Variants in SLC25A12 observed in about 807,000 individuals in gnomAD.
SLC25A12 encodes solute carrier family 25 member 12.
Under a neutral mutation model 83.3 loss-of-function variants are expected in SLC25A12, and 32 were observed. The observed-to-expected ratio is 0.38, with a 90% confidence interval of 0.29 to 0.52. The LOEUF (loss-of-function observed/expected upper bound fraction) is 0.52, where lower values mean the gene tolerates loss of function less well. Ranked by LOEUF, SLC25A12 falls within the 20% of genes least tolerant of loss-of-function variation. SLC25A12 has a pLI of 0.84. For synonymous variants in SLC25A12, 267 were observed against 291.1 expected, an observed-to-expected ratio of 0.92 and a Z score of 0.84; for missense variants, 611 against 835.6, an observed-to-expected ratio of 0.73 and a Z score of 3.31.
At chr2:171,800,309 CTT>C (rs1333841568) in intron 13 of SLC25A12, among the ~76,000 whole-genome samples, 1 of 135,530 alleles carries the variant, frequency 7.4e-6, no homozygotes, top group Non-Finnish European at 1.6e-5. Flanking sequence ...ACGCAAAAGA[CTT>C]GAACAGATAC....
At chr2:171,839,307 T>C (rs567090209) in intron 5 of SLC25A12, among the ~76,000 whole-genome samples, 12 of 152,162 alleles carry the variant, frequency 7.9e-5, no homozygotes, top group Admixed American at 2.6e-4. Flanking sequence ...CTAAAGCCCA[T>C]AGTTTCAAAT....
intron 6 of SLC25A12, among the ~76,000 whole-genome samples, 176 bp downstream of exon 6, chr2:171,836,945 T>TAC (rs751335257): frequency 1.4e-5 from 2 of 146,554 alleles, no homozygotes; most frequent in East Asian, 2.2e-4. Context: ...TACATTCACG[T>TAC]ACACACACAC....
intron 2 of SLC25A12, among the ~76,000 whole-genome samples, chr2:171,869,742 C>T (rs1001639912): frequency 6.6e-6 from 1 of 152,208 alleles, no homozygotes; most frequent in African/African-American, 2.4e-5. Flanking sequence ...TTGATTGTTA[C>T]TTCAGTCAAC....
chr2:171,843,068 A>C (rs1313771033), intron 5 of SLC25A12, among the ~76,000 whole-genome samples: 2 of 152,060 alleles, frequency 1.3e-5, no homozygotes, highest in Non-Finnish European at 2.9e-5. Flanking sequence ...TGATCTGCCC[A>C]CCTCAGCCTC....
chr2:171,826,719 T>C (rs758977021), intron 9 of SLC25A12, 79 bp downstream of exon 9: 22 of 837,696 alleles, frequency 2.6e-5, no homozygotes, highest in Non-Finnish European at 4.4e-5. Context: ...TTTTACAGCA[T>C]TCAGAAGCTG....
intron 9 of SLC25A12, among the ~76,000 whole-genome samples, chr2:171,822,241 G>C (rs1684207955): frequency 6.6e-6 from 1 of 152,052 alleles, no homozygotes; most frequent in Non-Finnish European, 1.5e-5. Flanking sequence ...GCTTATATGG[G>C]CTTCTCATAT....
chr2:171,851,060 T>C (rs936913312), intron 4 of SLC25A12, among the ~76,000 whole-genome samples: 5 of 152,248 alleles, frequency 3.3e-5, no homozygotes, highest in Admixed American at 1.3e-4. Context: ...AAAGTTTACT[T>C]TGAAGAGTGT....
intron 2 of SLC25A12, among the ~76,000 whole-genome samples, chr2:171,872,303 A>C (rs1382699561): frequency 1.3e-5 from 2 of 152,252 alleles, no homozygotes; most frequent in Admixed American, 6.5e-5. Flanking sequence ...GTATATAAAC[A>C]TAGGATAAAG....
In SLC25A12 at chr2:171,890,874, A is replaced by G. The variant is rs552624282; in HGVS notation, c.66+2331T>C. Among the ~76,000 whole-genome samples the G allele has an allele frequency of 2.7e-3, 411 of 152,330 alleles. 2 individuals carry two copies. The highest frequency in any genetic ancestry group is 6.8e-3 in the Middle Eastern group (2 of 294). ...TTATCTATCAATAATGCTTGTGTCA[A>G]TGTTTCATACTTAGTGCTAAATAAG... On this transcript the variant is annotated intron_variant, in intron 2 of 17. Transcript: ENST00000422440.
At chr2:171,803,175 G>A (rs1245135031) in intron 13 of SLC25A12, among the ~76,000 whole-genome samples, 1 of 149,712 alleles carries the variant, frequency 6.7e-6, no homozygotes, top group Non-Finnish European at 1.5e-5. Context: ...AGACCTAGAT[G>A]TAAAAGCTAA....
intron 11 of SLC25A12, among the ~76,000 whole-genome samples, chr2:171,812,169 C>T (rs527618386): frequency 2.0e-5 from 3 of 152,266 alleles, no homozygotes; most frequent in African/African-American, 4.8e-5. Context: ...AGTTTGATTT[C>T]GGAATAACTC....
intron 4 of SLC25A12, among the ~76,000 whole-genome samples, chr2:171,847,453 A>G (rs2105898008): frequency 6.6e-6 from 1 of 152,338 alleles, no homozygotes; most frequent in East Asian, 1.9e-4. Context: ...ACCCAGCTTT[A>G]TCAGGTCCTG....
rs1683884219 is a variant in SLC25A12, at chr2:171,808,626, T to C, written c.1305+980A>G. Among the ~76,000 whole-genome samples, 10 of 152,234 alleles carry C rather than the reference T, an allele frequency of 6.6e-5. 1 individual carries two copies. In the South Asian group the frequency reaches 2.1e-3, roughly 32 times the overall value. On this transcript the variant is annotated intron_variant, in intron 13 of 17. Transcript: ENST00000422440. ...TCTATTTCTTAAAAGGCATAGGAAT[T>C]AGAACTTTTAAAAAAGTCTGGAAGG...
chr2:171,854,940 G>C (rs949836139), intron 4 of SLC25A12, among the ~76,000 whole-genome samples: 2 of 152,192 alleles, frequency 1.3e-5, no homozygotes, highest in African/African-American at 4.8e-5. Context: ...AATTTTGCAA[G>C]ATGAGAAATT....
intron 13 of SLC25A12, among the ~76,000 whole-genome samples, chr2:171,806,332 G>A (rs944970406): frequency 6.6e-6 from 1 of 152,160 alleles, no homozygotes; most frequent in Non-Finnish European, 1.5e-5. Flanking sequence ...GCACATGCCT[G>A]TAATCTCAGC....
At chr2:171,809,166 T>C (rs962980181) in intron 13 of SLC25A12, among the ~76,000 whole-genome samples, 4 of 152,206 alleles carry the variant, frequency 2.6e-5, no homozygotes, top group South Asian at 2.1e-4. Context: ...AATAAACATA[T>C]GTGTGCATGT....
chr2:171,878,399 TG>T (rs1456817181), intron 2 of SLC25A12, among the ~76,000 whole-genome samples: 1 of 96,864 alleles, frequency 1.0e-5, no homozygotes, highest in African/African-American at 2.9e-5. Context: ...AAATAGTTAC[TG>T]TAAAATGCTT....
At chr2:171,804,683 A>C (rs1346184003) in intron 13 of SLC25A12, among the ~76,000 whole-genome samples, 2 of 152,218 alleles carry the variant, frequency 1.3e-5, no homozygotes, top group South Asian at 2.1e-4. Context: ...AGGAGGAGGC[A>C]GAAGGATTGC....
intron 13 of SLC25A12, among the ~76,000 whole-genome samples, chr2:171,799,882 G>A (rs1683674748): frequency 6.6e-6 from 1 of 152,138 alleles, no homozygotes; most frequent in Non-Finnish European, 1.5e-5. Flanking sequence ...TAAGTTTTGA[G>A]TTTCATGACT....
Sources: gnomAD v4.1 joint callset for allele counts (sites outside exome capture counted in the v4.1 genomes callset) on GRCh38, gnomAD v4.1.1 for gene constraint, MANE v1.5 for transcripts, NCBI Gene and HGNC (gene_info 2026-07-23, HGNC 2026-07-21) for gene names.